Variants in ADGRL2 observed in about 807,000 individuals in gnomAD.
ADGRL2 encodes adhesion G protein-coupled receptor L2.
In ADGRL2, 44 loss-of-function variants were observed where a neutral mutation model predicts 157.4. That is an observed-to-expected ratio of 0.28 (90% confidence interval 0.22 to 0.36). The LOEUF (loss-of-function observed/expected upper bound fraction) is 0.36. ADGRL2 is among the 10% of genes least tolerant of loss of function. The pLI is 1.00. For missense variants in ADGRL2, 1,510 were observed against 1,768.9 expected (o/e 0.85, Z 2.63); for synonymous variants, 585 against 624.7 (o/e 0.94, Z 0.95).
At chr1:81,521,881 C>T (rs2079324449) in intron 2 of ADGRL2, among the ~76,000 whole-genome samples, 1 of 151,884 alleles carries the variant, frequency 6.6e-6, no homozygotes, top group East Asian at 1.9e-4. Flanking sequence ...CCTCTGTCTG[C>T]TATGGGCAGT....
intron 1 of ADGRL2, among the ~76,000 whole-genome samples, chr1:81,741,117 TA>T (rs200497408): frequency 0.08 from 11,136 of 138,654 alleles, 535 homozygotes; most frequent in Non-Finnish European, 0.11. Context: ...AAGGGAATTC[TA>T]AAAAAAAAAA....
intron 1 of ADGRL2, among the ~76,000 whole-genome samples, chr1:81,413,119 C>T (rs1302074114): frequency 2.0e-5 from 3 of 152,128 alleles, no homozygotes; most frequent in Non-Finnish European, 2.9e-5. Context: ...CAGGAATGCA[C>T]TGCATTCCTG....
chr1:81,905,994 A>G (rs2094578232), intron 2 of ADGRL2, among the ~76,000 whole-genome samples: 1 of 149,498 alleles, frequency 6.7e-6, no homozygotes, highest in South Asian at 2.1e-4. Flanking sequence ...GTGTACATAT[A>G]AAAGTTTATG....
At chr1:81,651,987 G>A (rs1036569622) in intron 3 of ADGRL2, among the ~76,000 whole-genome samples, 14 of 152,096 alleles carry the variant, frequency 9.2e-5, no homozygotes, top group South Asian at 8.3e-4. Context: ...GATTACAGGC[G>A]TGAGGCACCA....
At chr1:81,617,430 T>G (rs2148696471) in intron 3 of ADGRL2, among the ~76,000 whole-genome samples, 1 of 152,324 alleles carries the variant, frequency 6.6e-6, no homozygotes, top group South Asian at 2.1e-4. Flanking sequence ...TAGACGACTC[T>G]TGGAAAAATA....
Position 81,966,555 on chromosome 1 carries a change from G to A in ADGRL2, c.2295G>A (p.Glu765=), listed in dbSNP as rs190474171. ...TCATTTCAGTTTCAATCAATAAAGA[G>A]TCCAGCCGAGTATACCTGACTGATC... is the stretch of plus-strand genomic sequence containing the variant. ...SHVISVSINK[E]SSRVYLTDPV... The change falls in exon 13 of 24, where the codon GAG becomes GAA. Residue 765 remains glutamate, a synonymous_variant. Coordinates refer to ENST00000686636, the MANE Select transcript of ADGRL2 (RefSeq NM_001366006.2). The A allele has an allele frequency of 4.1e-5, 66 of 1,614,064 alleles. No individual in the cohort carries two copies. In the Admixed American group the frequency reaches 8.7e-4, roughly 21 times the overall value.
chr1:81,502,913 G>A (rs1403527503), intron 2 of ADGRL2: 1 of 1,612,906 alleles, frequency 6.2e-7, no homozygotes, highest in Non-Finnish European at 8.5e-7. Flanking sequence ...ACCAATACCA[G>A]TAGCCCTCGA....
At chr1:81,857,992 T>C (rs1192361468) in intron 2 of ADGRL2, among the ~76,000 whole-genome samples, 1 of 152,158 alleles carries the variant, frequency 6.6e-6, no homozygotes, top group Non-Finnish European at 1.5e-5. Context: ...GAATGTATTT[T>C]ATCTCAAACG....
rs958450422 is a variant in ADGRL2, at chr1:81,987,133, C to G, written c.3637+104C>G. On this transcript the variant is annotated intron_variant, in intron 22 of 23. Coordinates refer to ENST00000686636, the MANE Select transcript of ADGRL2 (RefSeq NM_001366006.2). ...TCAAGTTGTCATATATTTATTGTTA[C>G]ATTCTTAATTTCTCAGTTAAAAAAA... The G allele has an allele frequency of 2.1e-6, 3 of 1,424,854 alleles. No individual in the cohort carries two copies. In the African/African-American group the frequency reaches 4.3e-5, roughly 21 times the overall value. 88.3% of individuals were successfully genotyped at this position (1,424,854 alleles called of 1,614,324 possible).
intron 3 of ADGRL2, among the ~76,000 whole-genome samples, chr1:81,610,870 G>A (rs1447665496): frequency 2.0e-5 from 3 of 152,186 alleles, no homozygotes; most frequent in Non-Finnish European, 4.4e-5. Flanking sequence ...CAGCTAGATT[G>A]CTTGTGGTAC....
intron 3 of ADGRL2, among the ~76,000 whole-genome samples, chr1:81,601,521 A>G (rs1025148131): frequency 9.2e-5 from 14 of 152,228 alleles, no homozygotes; most frequent in African/African-American, 3.4e-4. Context: ...GCACATTCAC[A>G]TACAACCCCT....
chr1:81,949,286 T>C (rs1650974400), intron 6 of ADGRL2, among the ~76,000 whole-genome samples: 1 of 152,180 alleles, frequency 6.6e-6, no homozygotes, highest in African/African-American at 2.4e-5. Flanking sequence ...TTTAAATTAA[T>C]TCAGTGGTAA....
At chr1:81,872,875 T>C (rs574850026) in intron 2 of ADGRL2, among the ~76,000 whole-genome samples, 4 of 152,236 alleles carry the variant, frequency 2.6e-5, no homozygotes, top group African/African-American at 9.6e-5. Flanking sequence ...AAGTTTGTTG[T>C]GTGCAAAAAT....
intron 1 of ADGRL2, among the ~76,000 whole-genome samples, chr1:81,726,974 A>T (rs1211926163): frequency 6.6e-6 from 1 of 152,230 alleles, no homozygotes; most frequent in Non-Finnish European, 1.5e-5. Flanking sequence ...ATTAAATTTC[A>T]TGTGGCATTT....
At chr1:81,791,066 CAAAAAAAAAAAAAA>C (rs11411906) in intron 2 of ADGRL2, among the ~76,000 whole-genome samples, 1 of 37,462 alleles carries the variant, frequency 2.7e-5, no homozygotes, top group Admixed American at 4.5e-4. Flanking sequence ...GACCCTATCT[CAAAAAAAAAAAAAA>C]AAAAAAAAAA....
rs145396646 is a variant in ADGRL2 at position 81,982,258 on chromosome 1, A to G, written c.3282+282A>G. Among the ~76,000 whole-genome samples, 1,013 of 152,104 alleles carry G rather than the reference A, an allele frequency of 6.7e-3. 6 individuals are homozygous for G. The highest frequency in any genetic ancestry group is 0.023 in the African/African-American group (966 of 41,528). ...CTATAAAATGCTAGGTACAAAGGAT[A>G]TACAAGGTAAAAGAAAAGGTTAAAT... is the stretch of plus-strand genomic sequence containing the variant. On this transcript the variant is annotated intron_variant, in intron 19 of 23. Coordinates refer to ENST00000686636, the MANE Select transcript of ADGRL2 (RefSeq NM_001366006.2).
At chr1:81,601,594 T>G (rs1240612717) in intron 3 of ADGRL2, among the ~76,000 whole-genome samples, 1 of 152,208 alleles carries the variant, frequency 6.6e-6, no homozygotes, top group Non-Finnish European at 1.5e-5. Context: ...CCCAGGATTA[T>G]GCCTCAGAAA....
intron 1 of ADGRL2, among the ~76,000 whole-genome samples, chr1:81,398,723 C>T (rs1222331662): frequency 6.6e-6 from 1 of 152,142 alleles, no homozygotes; most frequent in Non-Finnish European, 1.5e-5. Context: ...GAATATATCA[C>T]CCAATTCTCT....
At chr1:81,760,478 C>G (rs1420189573) in intron 1 of ADGRL2, among the ~76,000 whole-genome samples, 1 of 151,910 alleles carries the variant, frequency 6.6e-6, no homozygotes, top group Admixed American at 6.6e-5. Context: ...TTTCTAAATA[C>G]ATTGCTTTTG....
Sources: gnomAD v4.1 joint callset for allele counts (sites outside exome capture counted in the v4.1 genomes callset) on GRCh38, gnomAD v4.1.1 for gene constraint, MANE v1.5 for transcripts, NCBI Gene and HGNC (gene_info 2026-07-23, HGNC 2026-07-21) for gene names.